The following CCDC68 variants were observed in gnomAD, a reference collection of about 807,000 sequenced individuals.
CCDC68 encodes coiled-coil domain containing 68, also known as coiled-coil domain-containing protein 68.
A neutral mutation model predicts 47.1 loss-of-function variants in CCDC68; 45 were observed. The ratio of observed to expected loss-of-function variants is 0.96; its 90% CI spans 0.75 to 1.23. The LOEUF is 1.23. Among genes scored for constraint, CCDC68 ranks in the 50% most tolerant of loss-of-function variants. The pLI, the probability that CCDC68 is intolerant of heterozygous loss-of-function variation, is 0.00. For missense variants in CCDC68, 353 were observed against 373.6 expected (o/e 0.94, Z 0.45); for synonymous variants, 131 against 129.5 (o/e 1.01, Z -0.08).
chr18:54,901,704 A>C lies in CCDC68; in HGVS notation c.*2654T>G, dbSNP rs1334869168. On this transcript the variant is annotated 3_prime_UTR_variant, in exon 12 of 12. Transcript: ENST00000591504. ...GAACTAAGTTTCTTTTCTTTTCCTG[A>C]CTTCATGTATGAATTTCAGACCCAC... 6.6e-6 allele frequency: 1 copy of C among 152,140 alleles called. No homozygotes were observed. Among genetic ancestry groups the C allele is most frequent in the Non-Finnish European group, 1.5e-5 (1 of 68,006 alleles). The allele number at this position is 152,140 out of a possible 1,614,324, so 9.4% of individuals were successfully genotyped here.
chr18:54,903,174 A>G lies in CCDC68; in HGVS notation c.*1184T>C, dbSNP rs915221769. On this transcript the variant is annotated 3_prime_UTR_variant, in exon 12 of 12. Transcript: ENST00000591504. ...TTTATAGACAACACTGATATTTCAC[A>G]TTCCATAATGAAAGAGTCAGCATCT... The G allele has an allele frequency of 6.6e-6, 1 of 152,184 alleles. No individual in the cohort carries two copies. Among genetic ancestry groups the G allele is most frequent in the African/African-American group, 2.4e-5 (1 of 41,462 alleles). 9.4% of individuals were successfully genotyped at this position (152,184 alleles called of 1,614,324 possible).
chr18:54,937,872 C>T, intron 5 of CCDC68, 85 bp downstream of exon 5: 1 of 1,255,252 alleles, frequency 8.0e-7, no homozygotes, highest in Non-Finnish European at 1.1e-6. Context: ...CATCTCTCTG[C>T]TTTTACAGAG....
chr18:54,902,322 G>A lies in CCDC68; in HGVS notation c.*2036C>T, dbSNP rs1159382211. On this transcript the variant is annotated 3_prime_UTR_variant, in exon 12 of 12. Coordinates refer to ENST00000591504, the MANE Select transcript of CCDC68 (RefSeq NM_025214.3). ...CTAATGGAAATCATCAAGATTGTCA[G>A]GTCAGTTAAATAAGCCCATTCCAAA... 1.3e-5 allele frequency: 2 copies of A among 152,156 alleles called. No homozygotes were observed. The highest frequency in any genetic ancestry group is 2.9e-5 in the Non-Finnish European group (2 of 68,022). 9.4% of individuals were successfully genotyped at this position (152,156 alleles called of 1,614,324 possible).
intron 10 of CCDC68, among the ~76,000 whole-genome samples, chr18:54,916,308 T>C (rs1214388575): frequency 6.6e-6 from 1 of 152,036 alleles, no homozygotes; most frequent in South Asian, 2.1e-4. Flanking sequence ...AAGAGAACAA[T>C]TGTCTGCTGG....
At chr18:54,913,113 T>C (rs1024549404) in intron 10 of CCDC68, among the ~76,000 whole-genome samples, 3 of 152,256 alleles carry the variant, frequency 2.0e-5, no homozygotes, top group African/African-American at 7.2e-5. Flanking sequence ...ATGCAGGTTC[T>C]GCCACCTGCT....
chr18:54,942,675 C>CT lies in CCDC68; in HGVS notation c.116dup (p.Ile40AspfsTer14). The CT allele has an allele frequency of 1.3e-6, 2 of 1,550,222 alleles. No individual in the cohort carries two copies. The highest frequency in any genetic ancestry group is 1.8e-6 in the Non-Finnish European group (2 of 1,129,178). On this transcript the variant is annotated frameshift_variant and splice_region_variant, in exon 3 of 12. Transcript: ENST00000591504. LOFTEE classifies it high-confidence loss of function. ...CTAATGATTTCTGCTACCCACATAC[C>CT]TTTTTCACATACTCGGTTTCTTCAA...
chr18:54,930,061 C>T (rs1029685337), intron 7 of CCDC68, among the ~76,000 whole-genome samples: 6 of 151,906 alleles, frequency 3.9e-5, no homozygotes, highest in South Asian at 4.2e-4. Flanking sequence ...GATTTCTGTC[C>T]GGTAGAAGAC....
At chr18:54,939,235 A>G (rs1024019993) in intron 4 of CCDC68, among the ~76,000 whole-genome samples, 151 of 152,182 alleles carry the variant, frequency 9.9e-4, no homozygotes, top group African/African-American at 3.6e-3. Flanking sequence ...CACTCTTCAT[A>G]TACAGAGTAG....
chr18:54,938,176 A>G (rs999388175), intron 4 of CCDC68, 79 bp from the exon 5 acceptor site: 10 of 1,339,318 alleles, frequency 7.5e-6, no homozygotes, highest in Admixed American at 2.5e-5. Context: ...ATCATTTAGT[A>G]TTACATATAT....
chr18:54,936,926 A>G lies in CCDC68; in HGVS notation c.378T>C (p.Ala126=). ...LQASREAGAA[A]LRNVAQRLFE... is the part of the protein sequence containing the mutation. ...ATAATCTCTGGGCCACGTTTCTCAG[A>G]GCTGCTGCTCCTGCTTCTCTGGAGG... The change falls in exon 6 of 12, where the codon GCT becomes GCC. Residue 126 remains alanine, a synonymous_variant. Transcript: ENST00000591504. 1 of 1,614,148 alleles carries G rather than the reference A, an allele frequency of 6.2e-7. No homozygotes were observed. The highest frequency in any genetic ancestry group is 8.5e-7 in the Non-Finnish European group (1 of 1,180,020).
At chr18:54,951,713 G>A (rs940904286) in intron 1 of CCDC68, among the ~76,000 whole-genome samples, 1 of 152,208 alleles carries the variant, frequency 6.6e-6, no homozygotes, top group African/African-American at 2.4e-5. Flanking sequence ...AACTCCTGAT[G>A]GGAGGTCCCA....
chr18:54,904,380 A>T lies in CCDC68; in HGVS notation c.986T>A (p.Met329Lys), dbSNP rs746635225. 6.2e-7 allele frequency: 1 copy of T among 1,613,560 alleles called. No individual in the cohort carries two copies. The highest frequency in any genetic ancestry group is 8.5e-7 in the Non-Finnish European group (1 of 1,179,508). The change falls in exon 12 of 12, where the codon ATG becomes AAG. Residue 329 changes from methionine (M) to lysine (K), a missense_variant. Physicochemically the swap from Met to Lys is moderately conservative, Grantham distance 95. Coordinates refer to ENST00000591504, the MANE Select transcript of CCDC68 (RefSeq NM_025214.3). ...AGTTCATTTCCGTAACCTAATCAACATTAAATAAGGGGAAACACCTTCGGT... is the reference window on the plus strand; with the variant it reads ...AGTTCATTTCCGTAACCTAATCAACTTTAAATAAGGGGAAACACCTTCGGT... ...LKTEGVSPYL[M>K]LIRLRK
At chr18:54,946,053 A>G (rs988510899) in intron 1 of CCDC68, among the ~76,000 whole-genome samples, 2 of 152,234 alleles carry the variant, frequency 1.3e-5, no homozygotes, top group Admixed American at 6.5e-5. Flanking sequence ...AAGAAGAATA[A>G]CATTTCATGG....
intron 10 of CCDC68, among the ~76,000 whole-genome samples, chr18:54,915,048 G>A (rs990243493): frequency 6.6e-6 from 1 of 152,192 alleles, no homozygotes; most frequent in Non-Finnish European, 1.5e-5. Context: ...ATAAGAATGG[G>A]CACTTAATTA....
At chr18:54,909,186 G>A (rs1319475256) in intron 10 of CCDC68, among the ~76,000 whole-genome samples, 2 of 152,008 alleles carry the variant, frequency 1.3e-5, no homozygotes, top group African/African-American at 4.8e-5. Context: ...ACTTAAAATG[G>A]TTAGGGATCA....
intron 6 of CCDC68, among the ~76,000 whole-genome samples, chr18:54,936,117 G>A (rs2044338203): frequency 7.0e-6 from 1 of 143,192 alleles, no homozygotes; most frequent in African/African-American, 2.5e-5. Flanking sequence ...TATTTATATA[G>A]ATAAATATAT....
chr18:54,958,855 C>G (rs1201962020), intron 1 of CCDC68, among the ~76,000 whole-genome samples: 1 of 152,172 alleles, frequency 6.6e-6, no homozygotes, highest in African/African-American at 2.4e-5. Flanking sequence ...GCTGCAGAAG[C>G]CCGCACAAAT....
intron 10 of CCDC68, among the ~76,000 whole-genome samples, chr18:54,910,228 C>T (rs1914276232): frequency 6.6e-6 from 1 of 152,228 alleles, no homozygotes; most frequent in South Asian, 2.1e-4. Context: ...GAGACGGTAG[C>T]TCCTCTCTAC....
chr18:54,946,832 G>T (rs1398643506), intron 1 of CCDC68, among the ~76,000 whole-genome samples: 1 of 148,442 alleles, frequency 6.7e-6, no homozygotes, highest in Non-Finnish European at 1.5e-5. Flanking sequence ...AGGAAAATGA[G>T]TTTTTTTTTT....
Sources: allele counts gnomAD v4.1 joint callset (sites outside exome capture counted in the v4.1 genomes callset), GRCh38; gene constraint gnomAD v4.1.1; transcripts MANE v1.5; gene names NCBI Gene and HGNC (gene_info 2026-07-23, HGNC 2026-07-21).